The following HS3ST4 variants were observed in gnomAD, a reference collection of about 807,000 sequenced individuals.
The protein encoded by HS3ST4 is heparan sulfate-glucosamine 3-sulfotransferase 4, also known as heparan sulfate glucosamine 3-O-sulfotransferase 4.
In HS3ST4, 17 loss-of-function variants were observed where a neutral mutation model predicts 29.2. The ratio of observed to expected loss-of-function variants is 0.58; its 90% CI spans 0.40 to 0.87. The LOEUF is 0.87. HS3ST4 is among the 40% of genes least tolerant of loss of function. The pLI is 0.00. For missense variants in HS3ST4, 627 were observed against 634.5 expected (o/e 0.99, Z 0.13); for synonymous variants, 314 against 285.7 (o/e 1.10, Z -1.00).
chr16:25,851,142 C>T (rs1257962697), intron 1 of HS3ST4, among the ~76,000 whole-genome samples: 2 of 152,154 alleles, frequency 1.3e-5, no homozygotes, highest in Non-Finnish European at 2.9e-5. Flanking sequence ...GCTGGACGTT[C>T]CCATGTTTCT....
At chr16:25,728,485 A>G (rs970429890) in intron 1 of HS3ST4, among the ~76,000 whole-genome samples, 4 of 152,248 alleles carry the variant, frequency 2.6e-5, no homozygotes, top group Non-Finnish European at 5.9e-5. Flanking sequence ...TAAAGTATAT[A>G]AAGAGCCTAG....
chr16:25,770,873 A>C (rs185772394), intron 1 of HS3ST4, among the ~76,000 whole-genome samples: 1 of 152,156 alleles, frequency 6.6e-6, no homozygotes, highest in Non-Finnish European at 1.5e-5. Context: ...TTCAGTGCTT[A>C]TGACGTGTTG....
chr16:25,938,878 T>C (rs2141691111), intron 1 of HS3ST4, among the ~76,000 whole-genome samples: 1 of 152,322 alleles, frequency 6.6e-6, no homozygotes, highest in East Asian at 1.9e-4. Flanking sequence ...ACCTTTGCAG[T>C]TCACAAGCAA....
intron 1 of HS3ST4, among the ~76,000 whole-genome samples, chr16:25,784,277 C>A (rs1428273034): frequency 6.6e-6 from 1 of 152,126 alleles, no homozygotes; most frequent in Non-Finnish European, 1.5e-5. Flanking sequence ...CAGTTCATAA[C>A]CCTACAATGA....
intron 1 of HS3ST4, among the ~76,000 whole-genome samples, chr16:26,061,124 A>C (rs1034913940): frequency 3.3e-5 from 5 of 152,230 alleles, no homozygotes; most frequent in African/African-American, 7.2e-5. Context: ...ATGGTGATGC[A>C]GTGTTTTGAA....
At chr16:26,117,563 A>G (rs753898232) in intron 1 of HS3ST4, among the ~76,000 whole-genome samples, 1 of 152,164 alleles carries the variant, frequency 6.6e-6, no homozygotes, top group Non-Finnish European at 1.5e-5. Context: ...TATCCAACTA[A>G]ATGCTGTGTC....
At chr16:25,795,841 A>C (rs1393750262) in intron 1 of HS3ST4, among the ~76,000 whole-genome samples, 1 of 152,128 alleles carries the variant, frequency 6.6e-6, no homozygotes, top group East Asian at 1.9e-4. Flanking sequence ...ATCACCCTCT[A>C]CGTGTCCCAA....
chr16:26,112,353 C>A (rs537308374), intron 1 of HS3ST4, among the ~76,000 whole-genome samples: 3 of 147,290 alleles, frequency 2.0e-5, no homozygotes, highest in Non-Finnish European at 4.5e-5. Context: ...ACATTATAAC[C>A]AGGCTTGAAG....
At chr16:25,868,370 C>T (rs1023169988) in intron 1 of HS3ST4, among the ~76,000 whole-genome samples, 1 of 152,140 alleles carries the variant, frequency 6.6e-6, no homozygotes, top group Non-Finnish European at 1.5e-5. Flanking sequence ...GCATCACAAC[C>T]TGCTTCTCTC....
intron 1 of HS3ST4, among the ~76,000 whole-genome samples, chr16:25,904,424 C>T (rs1968159707): frequency 6.6e-6 from 1 of 152,142 alleles, no homozygotes; most frequent in Non-Finnish European, 1.5e-5. Context: ...CAGGTGGCAA[C>T]ATTTGCTTTT....
At chr16:25,723,555 C>T (rs1966510845) in intron 1 of HS3ST4, among the ~76,000 whole-genome samples, 1 of 152,200 alleles carries the variant, frequency 6.6e-6, no homozygotes. Flanking sequence ...TTGAAAATCA[C>T]ATGTGATCAT....
At chr16:25,828,250 T>C (rs12918377) in intron 1 of HS3ST4, among the ~76,000 whole-genome samples, 3 of 55,354 alleles carry the variant, frequency 5.4e-5, no homozygotes, top group Non-Finnish European at 7.4e-5. Context: ...TTCTCTTTCT[T>C]TCTTTCTTTC....
intron 1 of HS3ST4, among the ~76,000 whole-genome samples, chr16:25,862,716 T>C (rs1450353886): frequency 6.6e-6 from 1 of 152,262 alleles, no homozygotes; most frequent in African/African-American, 2.4e-5. Context: ...TTCCAGTTTA[T>C]GACAATTATG....
At chr16:26,094,428 C>T (rs191813936) in intron 1 of HS3ST4, among the ~76,000 whole-genome samples, 6 of 152,280 alleles carry the variant, frequency 3.9e-5, no homozygotes, top group Admixed American at 2.0e-4. Context: ...GGCAGAAACC[C>T]TACAAGCCAG....
intron 1 of HS3ST4, among the ~76,000 whole-genome samples, chr16:25,717,959 T>G (rs535703845): frequency 6.6e-6 from 1 of 152,152 alleles, no homozygotes; most frequent in South Asian, 2.1e-4. Context: ...TGGCTGACTT[T>G]GAATGATATT....
intron 1 of HS3ST4, among the ~76,000 whole-genome samples, chr16:25,779,647 A>G (rs1567238392): frequency 6.6e-6 from 1 of 152,226 alleles, no homozygotes; most frequent in Non-Finnish European, 1.5e-5. Context: ...GATATTCTGA[A>G]CAAAATCTAC....
chr16:25,742,075 C>A (rs985540498), intron 1 of HS3ST4, among the ~76,000 whole-genome samples: 3 of 152,148 alleles, frequency 2.0e-5, no homozygotes, highest in African/African-American at 7.2e-5. Context: ...ATGACAGAGA[C>A]ATACTGGAAA....
At chr16:25,947,065 A>C (rs1968633495) in intron 1 of HS3ST4, among the ~76,000 whole-genome samples, 2 of 152,148 alleles carry the variant, frequency 1.3e-5, no homozygotes, top group African/African-American at 2.4e-5. Flanking sequence ...GGTATTAAGC[A>C]AGTGTGTGTG....
chr16:25,885,479 T>C (rs923728213), intron 1 of HS3ST4, among the ~76,000 whole-genome samples: 12 of 152,274 alleles, frequency 7.9e-5, no homozygotes, highest in African/African-American at 2.6e-4. Context: ...GATACCTTAT[T>C]TGGGGCACTC....
Sources: gnomAD v4.1 joint callset for allele counts (sites outside exome capture counted in the v4.1 genomes callset) on GRCh38, gnomAD v4.1.1 for gene constraint, MANE v1.5 for transcripts, NCBI Gene and HGNC (gene_info 2026-07-23, HGNC 2026-07-21) for gene names.